Variants in TMEM135 observed in about 807,000 individuals in gnomAD.
TMEM135 encodes transmembrane protein 135.
In TMEM135, 30 loss-of-function variants were observed where a neutral mutation model predicts 60.3. The ratio of observed to expected loss-of-function variants is 0.50; its 90% confidence interval spans 0.37 to 0.68. The LOEUF (loss-of-function observed/expected upper bound fraction) is 0.68, where lower values mean the gene tolerates loss of function less well. TMEM135 is among the 30% of genes least tolerant of loss of function. TMEM135 has a pLI of 0.00. For missense variants in TMEM135, 468 were observed against 548.8 expected, an observed-to-expected ratio of 0.85 and a Z score of 1.47; for synonymous variants, 190 against 186.7, an observed-to-expected ratio of 1.02 and a Z score of -0.14.
At chr11:87,179,269 G>C (rs1171491390) in intron 5 of TMEM135, among the ~76,000 whole-genome samples, 5 of 151,942 alleles carry the variant, frequency 3.3e-5, no homozygotes, top group African/African-American at 9.7e-5. Context: ...TTTCATTTTG[G>C]ATCAAATCTT....
intron 1 of TMEM135, among the ~76,000 whole-genome samples, chr11:87,045,440 C>T (rs974334522): frequency 1.3e-5 from 2 of 151,484 alleles, no homozygotes; most frequent in Non-Finnish European, 2.9e-5. Flanking sequence ...CTTAGTATTG[C>T]AGTAAACACT....
intron 6 of TMEM135, among the ~76,000 whole-genome samples, chr11:87,268,775 G>A (rs1359595642): frequency 6.6e-6 from 1 of 151,926 alleles, no homozygotes; most frequent in Non-Finnish European, 1.5e-5. Flanking sequence ...CCTGATTAGA[G>A]CTTTTGAGAG....
chr11:87,061,321 TGCCATTTAGAAAGTA>T (rs1949944961), intron 1 of TMEM135, among the ~76,000 whole-genome samples: 1 of 152,176 alleles, frequency 6.6e-6, no homozygotes, highest in Non-Finnish European at 1.5e-5. Context: ...GGGATTCTAT[TGCCATTTAGAAAGTA>T]GAGGGCAGGG....
intron 5 of TMEM135, among the ~76,000 whole-genome samples, chr11:87,225,372 A>G (rs762525854): frequency 2.0e-5 from 3 of 151,748 alleles, no homozygotes; most frequent in Non-Finnish European, 4.4e-5. Flanking sequence ...TTCATATAAC[A>G]TGTAACATAT....
chr11:87,191,989 T>TTTC (rs202195363), intron 5 of TMEM135, among the ~76,000 whole-genome samples: 1,922 of 130,774 alleles, frequency 0.015, 10 homozygotes, highest in Middle Eastern at 0.026. Context: ...TTTCTTTTCT[T>TTTC]TTTTTTTTTT....
At chr11:87,219,793 G>A (rs1229780271) in intron 5 of TMEM135, among the ~76,000 whole-genome samples, 1 of 152,120 alleles carries the variant, frequency 6.6e-6, no homozygotes, top group Non-Finnish European at 1.5e-5. Flanking sequence ...TTGAAACTTA[G>A]TTGGCATAAG....
intron 5 of TMEM135, among the ~76,000 whole-genome samples, chr11:87,195,148 A>G (rs1939904644): frequency 1.3e-5 from 2 of 152,338 alleles, no homozygotes; most frequent in South Asian, 4.1e-4. Context: ...TCTTTGCAAG[A>G]CATCGAATGC....
At chr11:87,099,725 C>A (rs1026671097) in intron 4 of TMEM135, among the ~76,000 whole-genome samples, 3 of 135,282 alleles carry the variant, frequency 2.2e-5, no homozygotes, top group African/African-American at 8.3e-5. Flanking sequence ...TACTGTCATC[C>A]AGGTTGGAGT....
Position 87,141,089 on chromosome 11 carries a change from T to G in TMEM135, c.397-16252T>G, listed in dbSNP as rs571123016. On this transcript the variant is annotated intron_variant, in intron 4 of 14. Transcript: ENST00000305494. Reference sequence around the variant, plus strand: ...TTATGACTATCTTGTATCCTTTGCATTTTTAATATAAATTTTATACTCAGA... The same window carrying G: ...TTATGACTATCTTGTATCCTTTGCAGTTTTAATATAAATTTTATACTCAGA... 4.6e-5 allele frequency among the ~76,000 whole-genome samples: 7 copies of G among 152,178 alleles called. No homozygotes were observed. The South Asian group carries it at 1.5e-3, about 32-fold the overall frequency.
intron 12 of TMEM135, among the ~76,000 whole-genome samples, chr11:87,316,129 G>A (rs112064974): frequency 0.017 from 2,529 of 152,060 alleles, 76 homozygotes; most frequent in African/African-American, 0.057. Flanking sequence ...CTTGGCTTTC[G>A]CAGTGAATGG....
chr11:87,103,111 G>C (rs1850556521), intron 4 of TMEM135, among the ~76,000 whole-genome samples: 1 of 152,110 alleles, frequency 6.6e-6, no homozygotes, highest in Non-Finnish European at 1.5e-5. Flanking sequence ...CTTGGTTATT[G>C]TGAATAGTGC....
chr11:87,245,466 T>A (rs1481252778), intron 6 of TMEM135, among the ~76,000 whole-genome samples: 1 of 135,312 alleles, frequency 7.4e-6, no homozygotes, highest in East Asian at 2.0e-4. Context: ...AAGTCTCCCA[T>A]TATTATTGTG....
At chr11:87,134,074 A>G (rs769643582) in intron 4 of TMEM135, among the ~76,000 whole-genome samples, 1 of 152,178 alleles carries the variant, frequency 6.6e-6, no homozygotes, top group Middle Eastern at 3.4e-3. Flanking sequence ...CTGCCATAAC[A>G]AGTAACACAG....
rs965262670 is a variant in TMEM135 at position 87,075,182 on chromosome 11, G to A, written c.362+3567G>A. 4.6e-5 allele frequency among the ~76,000 whole-genome samples: 7 copies of A among 151,548 alleles called. 1 individual carries two copies. Among genetic ancestry groups the A allele is most frequent in the South Asian group, 4.2e-4 (2 of 4,778 alleles). On this transcript the variant is annotated intron_variant, in intron 3 of 14. Transcript: ENST00000305494. The stretch of plus-strand genomic sequence containing the variant: ...TTAATTAGTTTATTTTTTTTGAGAC[G>A]GAGTCTCGCTCTGTCTCCCAGGCTG...
chr11:87,209,816 A>T (rs1307493196), intron 5 of TMEM135, among the ~76,000 whole-genome samples: 1 of 152,150 alleles, frequency 6.6e-6, no homozygotes, highest in African/African-American at 2.4e-5. Flanking sequence ...TGAAACACCA[A>T]CCACATTATT....
At chr11:87,113,090 A>G (rs1297345912) in intron 4 of TMEM135, among the ~76,000 whole-genome samples, 7 of 152,134 alleles carry the variant, frequency 4.6e-5, no homozygotes, top group Admixed American at 3.3e-4. Context: ...CTTATTTAGA[A>G]TATGTCTCTA....
At chr11:87,103,884 G>C (rs1039855153) in intron 4 of TMEM135, among the ~76,000 whole-genome samples, 9 of 152,090 alleles carry the variant, frequency 5.9e-5, no homozygotes, top group African/African-American at 2.2e-4. Context: ...TCTGTAGGTT[G>C]TCTCTTTACC....
rs1407490524 is a variant in TMEM135, at chr11:87,038,234, G to C, written c.141+48G>C. 3.7e-6 allele frequency: 6 copies of C among 1,613,006 alleles called. No homozygotes were observed. In the African/African-American group the frequency reaches 5.3e-5, roughly 14 times the overall value. On this transcript the variant is annotated intron_variant, in intron 1 of 14. Transcript: ENST00000305494. ...CAGGGCGAGTTTAGTCTGGAAGATG[G>C]GCCGGGGGCTGCAGTTGGTGCTCCC...
intron 5 of TMEM135, among the ~76,000 whole-genome samples, chr11:87,170,925 A>G (rs1174838269): frequency 2.0e-5 from 3 of 152,108 alleles, no homozygotes; most frequent in African/African-American, 4.8e-5. Flanking sequence ...TCCCAGGCAG[A>G]TGGGAGTTCT....
Sources: gnomAD v4.1 joint callset for allele counts (sites outside exome capture counted in the v4.1 genomes callset) on GRCh38, gnomAD v4.1.1 for gene constraint, MANE v1.5 for transcripts, NCBI Gene and HGNC (gene_info 2026-07-23, HGNC 2026-07-21) for gene names.